PES1: variants seen among roughly 807,000 people sequenced by gnomAD.
PES1 encodes the protein pescadillo homolog.
In PES1, 31 loss-of-function variants were observed where a neutral mutation model predicts 77.1. That is an observed-to-expected ratio of 0.40 (90% confidence interval 0.30 to 0.54). The LOEUF (loss-of-function observed/expected upper bound fraction) is 0.54, where lower values mean the gene tolerates loss of function less well. Ranked by LOEUF, PES1 falls within the 20% of genes least tolerant of loss-of-function variation. The pLI, the probability that PES1 is intolerant of heterozygous loss-of-function variation, is 0.45. For missense variants in PES1, 658 were observed against 771.7 expected (o/e 0.85, Z 1.75); for synonymous variants, 282 against 303.0 (o/e 0.93, Z 0.72).
At chr22:30,603,009 CA>C (rs1360265916) in intron 2 of PES1, among the ~76,000 whole-genome samples, 5 of 151,990 alleles carry the variant, frequency 3.3e-5, no homozygotes, top group African/African-American at 7.3e-5. Context: ...CTCCTGGGTT[CA>C]AGCAATTCTC....
intron 2 of PES1, 64 bp downstream of exon 2, chr22:30,589,127 G>A: frequency 8.3e-7 from 1 of 1,210,670 alleles, no homozygotes; most frequent in Non-Finnish European, 1.2e-6. Flanking sequence ...GTAAGACAGG[G>A]ATGCAGCTGA....
Position 30,576,728 on chromosome 22 carries a change from C to T in PES1, c.*318G>A. 1 of 403,126 alleles carries T rather than the reference C, an allele frequency of 2.5e-6. No individual in the cohort carries two copies. The highest frequency in any genetic ancestry group is 4.5e-6 in the Non-Finnish European group (1 of 222,056). The allele number at this position is 403,126 out of a possible 1,614,324, so 25.0% of individuals were successfully genotyped here. On this transcript the variant is annotated 3_prime_UTR_variant, in exon 15 of 15. Coordinates refer to ENST00000354694, the MANE Select transcript of PES1 (RefSeq NM_014303.4). The stretch of plus-strand genomic sequence containing the variant: ...ACGGGTCCAACTGTGTGGGAGGGGG[C>T]TGTGGAAAGCCAGGATGAATGGGGG...
chr22:30,578,922 T>C lies in PES1; in HGVS notation c.1598A>G (p.Lys533Arg). ...RLAQEEESEA[K>R]RLAIMMMKKR... The stretch of plus-strand genomic sequence containing the variant: ...CTTCATCATCATAATGGCCAGGCGC[T>C]TGGCCTCACTCTCCTCCTCCTGGGC... Residue 533 changes from lysine (K) to arginine (R), a missense_variant, in exon 14 of 15, where the codon AAG (lysine) becomes AGG (arginine). By Grantham distance (26) the Lys-to-Arg change is conservative. Coordinates refer to ENST00000354694, the MANE Select transcript of PES1 (RefSeq NM_014303.4). The C allele has an allele frequency of 6.2e-7, 1 of 1,613,622 alleles. No individual in the cohort carries two copies. Among genetic ancestry groups the C allele is most frequent in the South Asian group, 1.1e-5 (1 of 91,064 alleles).
In PES1 at chr22:30,581,138, C is replaced by T. The variant is rs373902653; in HGVS notation, c.823-37G>A. ...AAGGGGGCTGCTTGCAGTGGGGGAC[C>T]TCATGCGGGCATGTGGCCAGGGTGG... On this transcript the variant is annotated intron_variant, in intron 8 of 14. Transcript: ENST00000354694. 7 of 1,540,572 alleles carry T rather than the reference C, an allele frequency of 4.5e-6. No homozygotes were observed. The African/African-American group carries it at 9.5e-5, about 21-fold the overall frequency.
chr22:30,606,960 G>A lies in PES1; in HGVS notation c.-869C>T, dbSNP rs1474803565. ...GGGGGGACAGCAGACAGGCACGGTC[G>A]GACAGACTTGACAGATCAGGCATCA... On this transcript the variant is annotated 5_prime_UTR_variant, in exon 1 of 17. Coordinates refer to the PES1 transcript ENST00000402281. 6 of 924,434 alleles carry A rather than the reference G, an allele frequency of 6.5e-6. No individual in the cohort carries two copies. In the African/African-American group the frequency reaches 6.9e-5, roughly 11 times the overall value. 57.3% of individuals were successfully genotyped at this position (924,434 alleles called of 1,614,324 possible).
chr22:30,596,950 C>T (rs577944061), intron 2 of PES1, among the ~76,000 whole-genome samples: 15 of 152,190 alleles, frequency 9.9e-5, no homozygotes, highest in Admixed American at 5.2e-4. Context: ...GGCCCGCACT[C>T]GGAGAAGCCA....
At chr22:30,605,232 C>T (rs1373019729) in intron 2 of PES1, among the ~76,000 whole-genome samples, 1 of 152,166 alleles carries the variant, frequency 6.6e-6, no homozygotes, top group Non-Finnish European at 1.5e-5. Context: ...AACTTGTGGG[C>T]TCAAGCAATC....
intron 2 of PES1, chr22:30,603,755 ATTTG>A (rs1161626722): frequency 6.6e-6 from 1 of 152,180 alleles, no homozygotes; most frequent in East Asian, 1.9e-4. Context: ...AGAGTTGTGT[ATTTG>A]TTATATTCAT....
At chr22:30,599,814 C>T (rs1403268207) in intron 2 of PES1, among the ~76,000 whole-genome samples, 1 of 152,064 alleles carries the variant, frequency 6.6e-6, no homozygotes, top group Non-Finnish European at 1.5e-5. Flanking sequence ...GCGGGGGAAT[C>T]GCTTGAACCT....
At chr22:30,582,601 C>T (rs1303150915) in intron 6 of PES1, among the ~76,000 whole-genome samples, 39 of 152,288 alleles carry the variant, frequency 2.6e-4, no homozygotes, top group Non-Finnish European at 8.8e-5. Context: ...CCCCAGGACG[C>T]GGCAGGATGT....
At chr22:30,588,675 C>T (rs374502432) in intron 2 of PES1, among the ~76,000 whole-genome samples, 3 of 151,866 alleles carry the variant, frequency 2.0e-5, no homozygotes, top group East Asian at 1.9e-4. Flanking sequence ...CCTAGCTACT[C>T]GGGAGGCTGA....
chr22:30,606,886 G>C (rs2087458042), exon 1 of PES1: 1 of 1,049,276 alleles, frequency 9.5e-7, no homozygotes, highest in Non-Finnish European at 1.2e-6. Context: ...CCTTTGGTAA[G>C]GAGTACCGGG....
In PES1 at chr22:30,598,884, A is replaced by ATTTTTTTTTTTTT. The variant is rs1569031688; in HGVS notation, c.-660-6487_-660-6486insAAAAAAAAAAAAA. ...TTTCAAGTTTATGTGACTTAAGTAA[A>ATTTTTTTTTTTTT]ATTTTTTTTTTTTTTTTTTTTTTTT... On this transcript the variant is annotated intron_variant, in intron 2 of 16. Coordinates refer to the PES1 transcript ENST00000402281. Among the ~76,000 whole-genome samples the ATTTTTTTTTTTTT allele has an allele frequency of 1.1e-3, 49 of 46,310 alleles. 3 individuals are homozygous for ATTTTTTTTTTTTT. Among genetic ancestry groups the ATTTTTTTTTTTTT allele is most frequent in the African/African-American group, 3.2e-3 (43 of 13,408 alleles). The allele number at this position is 46,310 out of a possible 152,430, so 30.4% of individuals were successfully genotyped here.
intron 6 of PES1, among the ~76,000 whole-genome samples, chr22:30,582,857 G>A (rs754393164): frequency 3.3e-5 from 5 of 152,174 alleles, no homozygotes; most frequent in Non-Finnish European, 5.9e-5. Flanking sequence ...GGGAGACCCC[G>A]CCCCTACAAC....
intron 4 of PES1, 32 bp downstream of exon 4, chr22:30,587,254 A>G (rs2087104282): frequency 4.9e-6 from 7 of 1,421,034 alleles, no homozygotes; most frequent in Non-Finnish European, 6.0e-6. Context: ...TAAATGAAGA[A>G]ACAGCAGTGT....
In PES1 at chr22:30,581,425, A is replaced by G. The variant is rs772525323; in HGVS notation, c.748-17T>C. ...ACCCTCGAGCTAGTAGGCAAAGGGA[A>G]GGTCAGGAGGCAGAGGACAGCCACA... On this transcript the variant is annotated splice_polypyrimidine_tract_variant and intron_variant, in intron 7 of 14. Transcript: ENST00000354694. The G allele has an allele frequency of 3.5e-5, 56 of 1,613,282 alleles. No homozygotes were observed. The Admixed American group carries it at 8.8e-4, about 25-fold the overall frequency.
intron 14 of PES1, among the ~76,000 whole-genome samples, chr22:30,577,563 C>G (rs2086920005): frequency 6.6e-6 from 1 of 152,192 alleles, no homozygotes; most frequent in Non-Finnish European, 1.5e-5. Context: ...CACAGTGGCA[C>G]AATCATAGCT....
At chr22:30,584,490 T>C (rs966074044) in intron 5 of PES1, 36 bp from the exon 6 acceptor site, 7 of 1,609,218 alleles carry the variant, frequency 4.3e-6, no homozygotes, top group Middle Eastern at 1.6e-4. Context: ...GTGAAGACCA[T>C]GGGGTGGCAG....
At chr22:30,587,839 G>A (rs2087115413) in intron 3 of PES1, among the ~76,000 whole-genome samples, 182 bp downstream of exon 3, 1 of 152,170 alleles carries the variant, frequency 6.6e-6, no homozygotes, top group Admixed American at 6.5e-5. Context: ...ACGGAGTCCT[G>A]TTTTGGGGCC....
Sources: allele counts gnomAD v4.1 joint callset (sites outside exome capture counted in the v4.1 genomes callset), GRCh38; gene constraint gnomAD v4.1.1; transcripts MANE v1.5; gene names NCBI Gene and HGNC (gene_info 2026-07-23, HGNC 2026-07-21).